LTC4S: variants seen among roughly 807,000 people sequenced by gnomAD.
The protein encoded by LTC4S is LTC4 synthase.
In LTC4S, 18 loss-of-function variants were observed where a neutral mutation model predicts 19.6. The observed-to-expected ratio is 0.92, with a 90% confidence interval of 0.64 to 1.36. The LOEUF is 1.36. Among genes scored for constraint, LTC4S ranks in the 40% most tolerant of loss-of-function variants. The probability of loss-of-function intolerance (pLI) is 0.00; values close to 1 mark genes in which losing one functional copy is unlikely to be tolerated. For missense variants in LTC4S, 235 were observed against 212.2 expected, an observed-to-expected ratio of 1.11 and a Z score of -0.67; for synonymous variants, 126 against 110.1, an observed-to-expected ratio of 1.14 and a Z score of -0.91.
At chr5:179,796,115 C>A (rs931495968) in intron 4 of LTC4S, 93 bp downstream of exon 4, 65 of 1,290,064 alleles carry the variant, frequency 5.0e-5, no homozygotes, top group Non-Finnish European at 6.5e-5. Flanking sequence ...GGGCGGGCGA[C>A]GGGCCGGAGC....
chr5:179,794,218 G>A, intron 1 of LTC4S, 80 bp downstream of exon 1: 1 of 1,563,780 alleles, frequency 6.4e-7, no homozygotes, highest in Admixed American at 1.7e-5. Flanking sequence ...CCAGGTGGAG[G>A]GCAGAGGTGG....
At position 179,796,299 on chromosome 5, in the gene LTC4S, G is replaced by T. The variant is rs1263979161; in HGVS notation, c.358G>T (p.Ala120Ser). Residue 120 changes from alanine to serine, a missense_variant, in exon 5 of 5, where the codon GCG becomes TCG. Coordinates refer to ENST00000292596, the MANE Select transcript of LTC4S (RefSeq NM_145867.2). ...CGCGCGCGCCCTCTGGCTGCTGGTG[G>T]CGCTGGCTGCGCTCGGCCTGCTCGC... ...ASARALWLLVALAALGLLAHF... is the reference protein window; with the variant it reads ...ASARALWLLVSLAALGLLAHF... The T allele has an allele frequency of 1.4e-6, 2 of 1,473,532 alleles. No homozygotes were observed. The highest frequency in any genetic ancestry group is 1.8e-6 in the Non-Finnish European group (2 of 1,119,274). The allele number at this position is 1,473,532 out of a possible 1,614,324, so 91.3% of individuals were successfully genotyped here.
chr5:179,796,223 C>G (rs1448588247), intron 4 of LTC4S, 30 bp from the exon 5 acceptor site: 1 of 1,426,446 alleles, frequency 7.0e-7, no homozygotes, highest in Admixed American at 2.6e-5. Context: ...GGCCTCCTCG[C>G]GCCACCTCCC....
intron 4 of LTC4S, 65 bp downstream of exon 4, chr5:179,796,087 G>A (rs1756612505): frequency 7.1e-7 from 1 of 1,399,130 alleles, no homozygotes; most frequent in East Asian, 2.9e-5. Flanking sequence ...GGCTCCTGGG[G>A]AGCGGGACCG....
At chr5:179,796,128 A>C in intron 4 of LTC4S, 106 bp downstream of exon 4, 2 of 1,278,346 alleles carry the variant, frequency 1.6e-6, no homozygotes, top group Non-Finnish European at 1.0e-6. Flanking sequence ...GCCGGAGCCC[A>C]GCGCCTTTGG....
chr5:179,796,417 G>C lies in LTC4S; in HGVS notation c.*23G>C. The C allele has an allele frequency of 6.8e-7, 1 of 1,476,680 alleles. No homozygotes were observed. 91.5% of individuals were successfully genotyped at this position (1,476,680 alleles called of 1,614,324 possible). A position where few individuals can be genotyped will look rare whatever the true frequency, so the allele number is the denominator to read the frequency against. ...TGAGACCAAGGCCCCCGGGCCGACG[G>C]AGCCGGGAAAGAAGAGCCGGAGCCT... is the stretch of plus-strand genomic sequence containing the variant. On this transcript the variant is annotated 3_prime_UTR_variant, in exon 5 of 5. Coordinates refer to ENST00000292596, the MANE Select transcript of LTC4S (RefSeq NM_145867.2).
chr5:179,795,866 TG>T lies in LTC4S; in HGVS notation c.229+14del. The T allele has an allele frequency of 6.2e-7, 1 of 1,604,604 alleles. No homozygotes were observed. ...ATCTTCTTTCATGAAGGTCGGGGTG[TG>T]GGGCAGGGGCGCACGCGCTGGACCC... On this transcript the variant is annotated intron_variant, in intron 3 of 4. Coordinates refer to ENST00000292596, the MANE Select transcript of LTC4S (RefSeq NM_145867.2).
At chr5:179,794,305 T>C (rs867621893) in intron 1 of LTC4S, among the ~76,000 whole-genome samples, 167 bp downstream of exon 1, 15 of 152,046 alleles carry the variant, frequency 9.9e-5, no homozygotes, top group African/African-American at 3.4e-4. Context: ...GTGAGAGCTG[T>C]AGGACTTGGG....
intron 1 of LTC4S, among the ~76,000 whole-genome samples, chr5:179,794,424 T>C (rs1235383529): frequency 6.6e-6 from 1 of 152,062 alleles, no homozygotes; most frequent in Non-Finnish European, 1.5e-5. Flanking sequence ...GCGGCCCCCA[T>C]TCCCTGGCTC....
At position 179,796,539 on chromosome 5, in the gene LTC4S, G is replaced by A. The variant is rs181293842; in HGVS notation, c.*145G>A. The A allele has an allele frequency of 4.0e-5, 50 of 1,235,418 alleles. 1 individual carries two copies. The Admixed American group carries it at 1.3e-3, about 32-fold the overall frequency. The allele number at this position is 1,235,418 out of a possible 1,614,324, so 76.5% of individuals were successfully genotyped here. ...CCGGGCTGCGTTCTCTGGGTCCGCG[G>A]GGGTGGCGCACCGCGGGCTACGGAG... On this transcript the variant is annotated 3_prime_UTR_variant, in exon 5 of 5. Coordinates refer to ENST00000292596, the MANE Select transcript of LTC4S (RefSeq NM_145867.2).
At chr5:179,796,127 C>T (rs1026704510) in intron 4 of LTC4S, 105 bp downstream of exon 4, 25 of 1,282,606 alleles carry the variant, frequency 1.9e-5, no homozygotes, top group Non-Finnish European at 2.6e-5. Context: ...GGCCGGAGCC[C>T]AGCGCCTTTG....
Position 179,795,700 on chromosome 5 carries a change from G to C in LTC4S, c.158+17G>C, listed in dbSNP as rs1756581763. 1 of 1,578,270 alleles carries C rather than the reference G, an allele frequency of 6.3e-7. No individual in the cohort carries two copies. Among genetic ancestry groups the C allele is most frequent in the Non-Finnish European group, 8.6e-7 (1 of 1,164,690 alleles). On this transcript the variant is annotated intron_variant, in intron 2 of 4. Transcript: ENST00000292596. The stretch of plus-strand genomic sequence containing the variant: ...CCGAGCCCAGTGAGGCGCGGCGGGA[G>C]GGCGCGGGGCGGGGAGCGAGCCCCA...
rs980838794 is a variant in LTC4S at position 179,796,249 on chromosome 5, G to T, written c.312-4G>T. The T allele has an allele frequency of 3.7e-5, 54 of 1,451,362 alleles. No individual in the cohort carries two copies. The highest frequency in any genetic ancestry group is 4.7e-5 in the Non-Finnish European group (52 of 1,105,642). The allele number at this position is 1,451,362 out of a possible 1,614,324, so 89.9% of individuals were successfully genotyped here. A position where few individuals can be genotyped will look rare whatever the true frequency, so the allele number is the denominator to read the frequency against. The stretch of plus-strand genomic sequence containing the variant: ...GCCACCTCCCCGCTGACCGCCGCCC[G>T]CAGGCTGGCACCGCTGTACGCGAGC... On this transcript the variant is annotated splice_polypyrimidine_tract_variant and splice_region_variant and intron_variant, in intron 4 of 4. Coordinates refer to ENST00000292596, the MANE Select transcript of LTC4S (RefSeq NM_145867.2).
At chr5:179,796,187 G>A (rs1446688531) in intron 4 of LTC4S, 66 bp from the exon 5 acceptor site, 8 of 1,330,438 alleles carry the variant, frequency 6.0e-6, no homozygotes, top group Non-Finnish European at 7.9e-6. Context: ...TCCCCGTGGG[G>A]CCAGGGTTGC....
intron 1 of LTC4S, 82 bp from the exon 2 acceptor site, chr5:179,795,502 G>A: frequency 6.5e-7 from 1 of 1,536,178 alleles, no homozygotes; most frequent in South Asian, 1.2e-5. Context: ...CAAGTGAAGG[G>A]CCAGATTGCA....
intron 4 of LTC4S, 75 bp downstream of exon 4, chr5:179,796,097 G>T: frequency 7.4e-7 from 1 of 1,352,576 alleles, no homozygotes; most frequent in Non-Finnish European, 9.7e-7. Context: ...GAGCGGGACC[G>T]AAGCTGGGGG....
In LTC4S at chr5:179,794,207, C is replaced by T. The variant is rs1581962832; in HGVS notation, c.58+69C>T. On this transcript the variant is annotated intron_variant, in intron 1 of 4. Coordinates refer to ENST00000292596, the MANE Select transcript of LTC4S (RefSeq NM_145867.2). Reference sequence around the variant, plus strand: ...TACAGCTTGCCCTCTGCCCCCTAGGCCCAGGTGGAGGGCAGAGGTGGGGAC... The same window carrying T: ...TACAGCTTGCCCTCTGCCCCCTAGGTCCAGGTGGAGGGCAGAGGTGGGGAC... The T allele has an allele frequency of 9.4e-6, 15 of 1,591,832 alleles. No homozygotes were observed. In the East Asian group the frequency reaches 3.4e-4, roughly 36 times the overall value.
chr5:179,796,301 G>A lies in LTC4S; in HGVS notation c.360G>A (p.Ala120=). ...CGCGCGCCCTCTGGCTGCTGGTGGC[G>A]CTGGCTGCGCTCGGCCTGCTCGCCC... ...ASARALWLLV[A]LAALGLLAHF... The change falls in exon 5 of 5, where the codon GCG becomes GCA. Residue 120 remains alanine (A), a synonymous_variant. Transcript: ENST00000292596. The A allele has an allele frequency of 6.8e-7, 1 of 1,474,030 alleles. No homozygotes were observed. Among genetic ancestry groups the A allele is most frequent in the Admixed American group, 2.4e-5 (1 of 42,248 alleles). 91.3% of individuals were successfully genotyped at this position (1,474,030 alleles called of 1,614,324 possible). A position where few individuals can be genotyped will look rare whatever the true frequency, so the allele number is the denominator to read the frequency against.
intron 4 of LTC4S, 84 bp downstream of exon 4, chr5:179,796,106 G>C: frequency 1.5e-6 from 2 of 1,320,454 alleles, no homozygotes; most frequent in Non-Finnish European, 2.0e-6. Flanking sequence ...CGAAGCTGGG[G>C]GCGGGCGACG....
Sources: allele counts gnomAD v4.1 joint callset (sites outside exome capture counted in the v4.1 genomes callset), GRCh38; gene constraint gnomAD v4.1.1; transcripts MANE v1.5; gene names NCBI Gene and HGNC (gene_info 2026-07-23, HGNC 2026-07-21).